The following ROBO2 variants were observed in gnomAD, a reference collection of about 807,000 sequenced individuals.
ROBO2 encodes the protein roundabout homolog 2.
A neutral mutation model predicts 160.8 loss-of-function variants in ROBO2; 53 were observed. The observed-to-expected ratio is 0.33, with a 90% CI of 0.26 to 0.41. The LOEUF (loss-of-function observed/expected upper bound fraction) is 0.41, where lower values mean the gene tolerates loss of function less well. Ranked by LOEUF, ROBO2 falls within the 10% of genes least tolerant of loss-of-function variation. The pLI is 1.00. For synonymous variants in ROBO2, 664 were observed against 611.7 expected (o/e 1.09, Z -1.26); for missense variants, 1,577 against 1,722.4 (o/e 0.92, Z 1.49).
chr3:77,344,696 A>G (rs1396879951), intron 2 of ROBO2, among the ~76,000 whole-genome samples: 14 of 152,172 alleles, frequency 9.2e-5, no homozygotes, highest in Non-Finnish European at 2.1e-4. Flanking sequence ...GGACTGAAAC[A>G]GAAGATAAAA....
At chr3:77,040,735 C>T (rs745762273) in exon 1 of ROBO2, 1 of 1,613,388 alleles carries the variant, frequency 6.2e-7, no homozygotes, top group Admixed American at 1.7e-5. Flanking sequence ...TGTACTTTTG[C>T]TCTCTGGGAT....
intron 2 of ROBO2, among the ~76,000 whole-genome samples, chr3:77,430,714 C>T (rs140434299): frequency 5.5e-4 from 84 of 152,252 alleles, no homozygotes; most frequent in African/African-American, 1.9e-3. Flanking sequence ...GCTGCCAACT[C>T]AACCTTGGAC....
At chr3:77,162,632 A>G (rs916783939) in intron 2 of ROBO2, among the ~76,000 whole-genome samples, 1 of 152,140 alleles carries the variant, frequency 6.6e-6, no homozygotes, top group Non-Finnish European at 1.5e-5. Context: ...TGATATGGCT[A>G]AGGACATGAA....
At chr3:77,590,593 C>T (rs1444076918) in intron 17 of ROBO2, among the ~76,000 whole-genome samples, 1 of 152,018 alleles carries the variant, frequency 6.6e-6, no homozygotes, top group East Asian at 1.9e-4. Context: ...TTGTGTTTAT[C>T]CCTTTGCTTG....
chr3:77,600,845 G>C (rs1442919513), intron 19 of ROBO2, among the ~76,000 whole-genome samples: 1 of 152,190 alleles, frequency 6.6e-6, no homozygotes, highest in Non-Finnish European at 1.5e-5. Flanking sequence ...GGGCAAGAAA[G>C]TAGTTGTGAA....
intron 2 of ROBO2, among the ~76,000 whole-genome samples, chr3:76,029,936 A>G (rs868725027): frequency 2.0e-5 from 3 of 152,124 alleles, no homozygotes; most frequent in Admixed American, 6.6e-5. Context: ...TTGAGGAATC[A>G]CCACACTGTC....
chr3:77,260,078 A>T (rs770949663), intron 2 of ROBO2, among the ~76,000 whole-genome samples: 1 of 152,128 alleles, frequency 6.6e-6, no homozygotes, highest in Admixed American at 6.6e-5. Context: ...CCTGCTATCA[A>T]CTTATTCCTT....
intron 2 of ROBO2, among the ~76,000 whole-genome samples, chr3:76,569,400 T>C (rs2084816578): frequency 6.6e-6 from 1 of 152,160 alleles, no homozygotes; most frequent in Non-Finnish European, 1.5e-5. Context: ...TATCTTCATA[T>C]CAATTGAGAT....
chr3:76,356,304 T>A, intron 2 of ROBO2, among the ~76,000 whole-genome samples: 1 of 150,652 alleles, frequency 6.6e-6, no homozygotes. Flanking sequence ...ATCAATAGAA[T>A]AAAATAAAGT....
chr3:76,754,297 G>A (rs2060842268), intron 2 of ROBO2, among the ~76,000 whole-genome samples: 1 of 151,786 alleles, frequency 6.6e-6, no homozygotes, highest in Non-Finnish European at 1.5e-5. Context: ...TTTTGAAGGT[G>A]TACTTTGAAA....
At chr3:76,635,731 A>G (rs1460428741) in intron 2 of ROBO2, among the ~76,000 whole-genome samples, 1 of 152,232 alleles carries the variant, frequency 6.6e-6, no homozygotes, top group Non-Finnish European at 1.5e-5. Flanking sequence ...ACACTTCCTC[A>G]CGAGCTCAAA....
At chr3:76,210,127 C>G (rs1483321213) in intron 2 of ROBO2, among the ~76,000 whole-genome samples, 1 of 151,976 alleles carries the variant, frequency 6.6e-6, no homozygotes, top group African/African-American at 2.4e-5. Flanking sequence ...AAAGAACTCT[C>G]CCTTCTAATA....
intron 1 of ROBO2, among the ~76,000 whole-genome samples, chr3:77,064,213 A>G (rs2066607171): frequency 6.6e-6 from 1 of 152,146 alleles, no homozygotes; most frequent in African/African-American, 2.4e-5. Context: ...ATTCCTTTCA[A>G]AGAAAGAAAA....
At chr3:77,293,498 A>G (rs560394161) in intron 2 of ROBO2, among the ~76,000 whole-genome samples, 1 of 148,204 alleles carries the variant, frequency 6.7e-6, no homozygotes, top group African/African-American at 2.6e-5. Flanking sequence ...AGATCACCCC[A>G]GACATAAAGT....
intron 2 of ROBO2, among the ~76,000 whole-genome samples, chr3:76,950,606 T>C (rs537884505): frequency 5.8e-4 from 88 of 152,320 alleles, no homozygotes; most frequent in African/African-American, 2.0e-3. Context: ...CCTGTACTCA[T>C]TGTGGCACTG....
In ROBO2 at chr3:77,157,374, T is replaced by C. The variant is rs539964597; in HGVS notation, c.388+59034T>C. Among the ~76,000 whole-genome samples the C allele has an allele frequency of 3.3e-5, 5 of 152,224 alleles. No individual in the cohort carries two copies. In the South Asian group the frequency reaches 1.0e-3, roughly 32 times the overall value. ...GTTTTCACTGTAAACTATATTCAGCTTCATTGTCTTCTGCTGAAAGTCTTA... is the reference window on the plus strand; with the variant it reads ...GTTTTCACTGTAAACTATATTCAGCCTCATTGTCTTCTGCTGAAAGTCTTA... On this transcript the variant is annotated intron_variant, in intron 2 of 25. Transcript: ENST00000461745.
intron 2 of ROBO2, among the ~76,000 whole-genome samples, chr3:76,844,969 A>AT (rs983102705): frequency 2.6e-5 from 4 of 151,882 alleles, no homozygotes; most frequent in Non-Finnish European, 5.9e-5. Flanking sequence ...CCTCTGAGAG[A>AT]TTTTTTAGAT....
exon 1 of ROBO2, chr3:77,040,463 C>T (rs538547864): frequency 1.8e-6 from 2 of 1,133,898 alleles, no homozygotes; most frequent in South Asian, 5.4e-5. Context: ...CTTTGGATTG[C>T]AGTGGAGCCT....
At chr3:76,609,915 T>C (rs114176254) in intron 2 of ROBO2, among the ~76,000 whole-genome samples, 1,795 of 152,274 alleles carry the variant, frequency 0.012, 37 homozygotes, top group African/African-American at 0.04. Flanking sequence ...GGCTTAGAGA[T>C]GTTGAATTTT....
Sources: allele counts gnomAD v4.1 joint callset (sites outside exome capture counted in the v4.1 genomes callset), GRCh38; gene constraint gnomAD v4.1.1; transcripts MANE v1.5; gene names NCBI Gene and HGNC (gene_info 2026-07-23, HGNC 2026-07-21).